The following GNB5 variants were observed in gnomAD, a reference collection of about 807,000 sequenced individuals.
GNB5 encodes the protein guanine nucleotide-binding protein subunit beta-5.
A neutral mutation model predicts 55.3 loss-of-function variants in GNB5; 37 were observed. That is an observed-to-expected ratio of 0.67 (90% CI 0.51 to 0.88). The LOEUF is 0.88. Among genes scored for constraint, GNB5 ranks in the 40% least tolerant of loss-of-function variants. The pLI is 0.00. For missense variants in GNB5, 476 were observed against 515.3 expected (o/e 0.92, Z 0.74); for synonymous variants, 219 against 198.5 (o/e 1.10, Z -0.87).
rs954541655 is a variant in GNB5, at chr15:52,126,136, C to T, written c.913-92G>A. On this transcript the variant is annotated intron_variant, in intron 10 of 12. Transcript: ENST00000261837. ...GCTACAGGTAGGTGCTAGTGACTTG[C>T]GTAGTTTAAAAGATGAAGGAAAAAC... 1.7e-4 allele frequency: 110 copies of T among 657,622 alleles called. No homozygotes were observed. The East Asian group carries it at 2.6e-3, about 16-fold the overall frequency. 40.7% of individuals were successfully genotyped at this position (657,622 alleles called of 1,614,324 possible).
intron 9 of GNB5, among the ~76,000 whole-genome samples, chr15:52,129,523 T>C (rs2033521529): frequency 6.6e-6 from 1 of 152,206 alleles, no homozygotes; most frequent in South Asian, 2.1e-4. Flanking sequence ...CATTATATTT[T>C]TGAAAGCATT....
intron 5 of GNB5, 118 bp from the exon 6 acceptor site, chr15:52,147,653 C>T (rs2034005385): frequency 2.0e-6 from 1 of 489,426 alleles, no homozygotes; most frequent in Non-Finnish European, 3.7e-6. Flanking sequence ...GTGGCACAAT[C>T]TCAGCTCACT....
chr15:52,161,870 A>C (rs2034342280), intron 3 of GNB5, among the ~76,000 whole-genome samples: 1 of 152,226 alleles, frequency 6.6e-6, no homozygotes, highest in Non-Finnish European at 1.5e-5. Context: ...GGTAGTCTTC[A>C]AGCTCCCATT....
intron 3 of GNB5, among the ~76,000 whole-genome samples, chr15:52,161,259 G>C (rs2034325287): frequency 6.6e-6 from 1 of 152,130 alleles, no homozygotes; most frequent in African/African-American, 2.4e-5. Context: ...ACTGACAATG[G>C]CTTCTTAGTC....
At chr15:52,172,126 C>CT (rs1566948125) in intron 3 of GNB5, among the ~76,000 whole-genome samples, 1 of 151,990 alleles carries the variant, frequency 6.6e-6, no homozygotes, top group Non-Finnish European at 1.5e-5. Context: ...TTGTTTTCCC[C>CT]TTTCTCTTTT....
rs368638508 is a variant in GNB5 at position 52,135,672 on chromosome 15, C to T, written c.712G>A (p.Ala238Thr). 8.1e-6 allele frequency: 13 copies of T among 1,613,486 alleles called. No homozygotes were observed. Among genetic ancestry groups the T allele is most frequent in the East Asian group, 6.7e-5 (3 of 44,848 alleles). The change falls in exon 8 of 13, where the codon GCT (alanine) becomes ACT (threonine). Residue 238 changes from alanine to threonine, a missense_variant. Transcript: ENST00000261837. ...GCCAGGTCCAAGCAGAGGACGTCAG[C>T]CCCATGTCCGTGGAAGCTCTGCAGC... ...QLLQSFHGHG[A>T]DVLCLDLAPS...
intron 3 of GNB5, among the ~76,000 whole-genome samples, chr15:52,157,299 T>G (rs1388524802): frequency 6.8e-6 from 1 of 147,160 alleles, no homozygotes; most frequent in Non-Finnish European, 1.5e-5. Flanking sequence ...CAGGCTGGAG[T>G]GCAGTGGTGC....
In GNB5 at chr15:52,184,695, C is replaced by G. The variant is rs1360864373; in HGVS notation, c.-18-1G>C. The G allele has an allele frequency of 6.2e-7, 1 of 1,603,714 alleles. No individual in the cohort carries two copies. The highest frequency in any genetic ancestry group is 8.5e-7 in the Non-Finnish European group (1 of 1,174,538). On this transcript the variant is annotated splice_acceptor_variant, in intron 1 of 12. Coordinates refer to ENST00000261837, the MANE Select transcript of GNB5 (RefSeq NM_016194.4). LOFTEE classifies it low-confidence loss of function (5UTR_SPLICE). ...CACACATCTTTTACCCAAGATAAAG[C>G]TGAAAAAAAGTGAAAAGAAGGGAGG...
intron 2 of GNB5, among the ~76,000 whole-genome samples, chr15:52,183,875 C>G (rs928787743): frequency 1.3e-5 from 2 of 152,222 alleles, no homozygotes; most frequent in African/African-American, 4.8e-5. Context: ...CTGTGCACAG[C>G]CACCTCTGGT....
Position 52,137,349 on chromosome 15 carries a change from C to T in GNB5, c.628-1593G>A, listed in dbSNP as rs1004347420. ...GTGTGGTGATATCTGAGTTGGTCTT[C>T]AAGGAAGAGTGAGAGCTGGCCAGGT... On this transcript the variant is annotated intron_variant, in intron 7 of 12. Coordinates refer to ENST00000261837, the MANE Select transcript of GNB5 (RefSeq NM_016194.4). 1.2e-5 allele frequency: 13 copies of T among 1,047,168 alleles called. No homozygotes were observed. The African/African-American group carries it at 2.2e-4, about 18-fold the overall frequency. 64.9% of individuals were successfully genotyped at this position (1,047,168 alleles called of 1,614,324 possible). A position where few individuals can be genotyped will look rare whatever the true frequency, so the allele number is the denominator to read the frequency against.
intron 3 of GNB5, among the ~76,000 whole-genome samples, chr15:52,171,265 AGC>A (rs2034550046): frequency 6.6e-6 from 1 of 152,114 alleles, no homozygotes; most frequent in Non-Finnish European, 1.5e-5. Context: ...TGACATGGGG[AGC>A]TACTCAATCC....
chr15:52,188,365 A>C (rs191900645), intron 1 of GNB5, among the ~76,000 whole-genome samples: 1 of 152,332 alleles, frequency 6.6e-6, no homozygotes, highest in East Asian at 1.9e-4. Context: ...GGAAAAAAAG[A>C]TATAAGGAAG....
At chr15:52,181,637 A>C (rs2034772546) in intron 2 of GNB5, among the ~76,000 whole-genome samples, 1 of 152,122 alleles carries the variant, frequency 6.6e-6, no homozygotes, top group South Asian at 2.1e-4. Context: ...AAACAAAAAC[A>C]AAACAAAAAA....
At chr15:52,135,783 GGTGGTT>G (rs746253069) in intron 7 of GNB5, 27 bp from the exon 8 acceptor site, 559 of 1,608,544 alleles carry the variant, frequency 3.5e-4, no homozygotes, top group Middle Eastern at 1.8e-3. Flanking sequence ...ACAGGAAGTG[GGTGGTT>G]GTGGTTATTG....
chr15:52,126,208 G>T (rs1596052760), intron 10 of GNB5, 164 bp from the exon 11 acceptor site: 1 of 555,902 alleles, frequency 1.8e-6, no homozygotes, highest in South Asian at 2.5e-5. Context: ...CCCGACTCCT[G>T]TTAATTTCTA....
chr15:52,176,263 G>C (rs2141236472), intron 3 of GNB5, among the ~76,000 whole-genome samples: 1 of 152,246 alleles, frequency 6.6e-6, no homozygotes, highest in Middle Eastern at 3.4e-3. Context: ...TGCAAAGAAA[G>C]CTGCATCATT....
At chr15:52,129,306 G>A (rs765784619) in intron 9 of GNB5, among the ~76,000 whole-genome samples, 3 of 152,080 alleles carry the variant, frequency 2.0e-5, no homozygotes, top group South Asian at 2.1e-4. Context: ...CACAAAAGCC[G>A]CAGGAGGAGG....
chr15:52,132,447 T>G (rs1281890230), intron 9 of GNB5, among the ~76,000 whole-genome samples: 2 of 152,082 alleles, frequency 1.3e-5, no homozygotes, highest in African/African-American at 4.8e-5. Flanking sequence ...TTCCCTACAA[T>G]GTATTCTCCA....
rs1237027919 is a variant in GNB5, at chr15:52,118,199, G to A, written c.*4558C>T. 1 of 152,226 alleles carries A rather than the reference G, an allele frequency of 6.6e-6. No homozygotes were observed. The highest frequency in any genetic ancestry group is 1.5e-5 in the Non-Finnish European group (1 of 68,106). The allele number at this position is 152,226 out of a possible 1,614,324, so 9.4% of individuals were successfully genotyped here. A position where few individuals can be genotyped will look rare whatever the true frequency, so the allele number is the denominator to read the frequency against. ...CTCTTTCTTTGCCAAGCTCTTCCAA[G>A]GCCCTTAGTGGTTTCTGGGAGGTCT... On this transcript the variant is annotated 3_prime_UTR_variant, in exon 13 of 13. Transcript: ENST00000261837.
Sources: gnomAD v4.1 joint callset for allele counts (sites outside exome capture counted in the v4.1 genomes callset) on GRCh38, gnomAD v4.1.1 for gene constraint, MANE v1.5 for transcripts, NCBI Gene and HGNC (gene_info 2026-07-23, HGNC 2026-07-21) for gene names.